Variants in PCDHAC2 observed in about 807,000 individuals in gnomAD.
PCDHAC2 encodes the protein protocadherin alpha subfamily C, 2, also known as protocadherin alpha-C2.
In PCDHAC2, 24 loss-of-function variants were observed where a neutral mutation model predicts 63.3. The ratio of observed to expected loss-of-function variants is 0.38; its 90% CI spans 0.27 to 0.53. The LOEUF is 0.53. Ranked by LOEUF, PCDHAC2 falls within the 20% of genes least tolerant of loss-of-function variation. PCDHAC2 has a pLI of 0.81. For missense variants in PCDHAC2, 1,181 were observed against 1,275.2 expected (o/e 0.93, Z 1.12); for synonymous variants, 569 against 529.4 (o/e 1.07, Z -1.03).
intron 3 of PCDHAC2, among the ~76,000 whole-genome samples, chr5:141,005,934 G>A (rs556608068): frequency 3.4e-4 from 52 of 151,912 alleles, no homozygotes; most frequent in Non-Finnish European, 7.2e-4. Context: ...TTGACAGAGT[G>A]AGAACCTATC....
At chr5:140,977,107 T>C (rs1419522797) in intron 1 of PCDHAC2, among the ~76,000 whole-genome samples, 2 of 152,166 alleles carry the variant, frequency 1.3e-5, no homozygotes, top group Non-Finnish European at 2.9e-5. Flanking sequence ...GGAAGTGAGA[T>C]TGTATAATGA....
intron 2 of PCDHAC2, among the ~76,000 whole-genome samples, chr5:140,980,822 T>A (rs1433488208): frequency 6.6e-6 from 1 of 152,204 alleles, no homozygotes; most frequent in Non-Finnish European, 1.5e-5. Flanking sequence ...ACATATTAAA[T>A]GAGTTGTGAA....
Position 140,968,008 on chromosome 5 carries a change from C to T in PCDHAC2, c.1242C>T (p.Gly414=). Residue 414 remains glycine, a synonymous_variant, in exon 1 of 4, where the codon GGC becomes GGT. Coordinates refer to ENST00000289269, the MANE Select transcript of PCDHAC2 (RefSeq NM_018899.6). ...CCACACTGCCTTTCCGACTGAATGG[C>T]TTTGGAAACTCCTATACACTGGTGG... ...LEATLPFRLN[G]FGNSYTLVVS... is the part of the protein sequence containing the mutation. 6.2e-7 allele frequency: 1 copy of T among 1,614,202 alleles called. No homozygotes were observed. Among genetic ancestry groups the T allele is most frequent in the Non-Finnish European group, 8.5e-7 (1 of 1,180,034 alleles).
intron 1 of PCDHAC2, among the ~76,000 whole-genome samples, chr5:140,972,665 T>A (rs1554234345): frequency 6.7e-6 from 1 of 148,584 alleles, no homozygotes; most frequent in Non-Finnish European, 1.5e-5. Flanking sequence ...ACCAAATTTT[T>A]TTTTTTTTTT....
intron 3 of PCDHAC2, among the ~76,000 whole-genome samples, chr5:141,008,308 TA>T (rs1554261716): frequency 6.6e-6 from 1 of 152,214 alleles, no homozygotes; most frequent in East Asian, 1.9e-4. Flanking sequence ...CCCTAAACTG[TA>T]ATTGAACATA....
chr5:140,985,401 C>T (rs2097150530), intron 3 of PCDHAC2, among the ~76,000 whole-genome samples: 1 of 152,108 alleles, frequency 6.6e-6, no homozygotes, highest in Non-Finnish European at 1.5e-5. Flanking sequence ...CCAACTGTTC[C>T]CCTGGAAATG....
At position 140,967,793 on chromosome 5, in the gene PCDHAC2, G is replaced by A. The variant is rs1447753881; in HGVS notation, c.1027G>A (p.Val343Met). ...TGTGCAGGCGACTGACCGGGGTCCA[G>A]TGCCCATGGCAGGTCACTGCAAGGT... is the stretch of plus-strand genomic sequence containing the variant. ...IYVQATDRGP[V>M]PMAGHCKVLV... The change falls in exon 1 of 4, where the codon GTG becomes ATG. Residue 343 changes from valine to methionine, a missense_variant. By Grantham distance (21) the Val-to-Met change is conservative. Coordinates refer to ENST00000289269, the MANE Select transcript of PCDHAC2 (RefSeq NM_018899.6). 1.5e-5 allele frequency: 24 copies of A among 1,614,080 alleles called. No individual in the cohort carries two copies. The highest frequency in any genetic ancestry group is 1.9e-5 in the Non-Finnish European group (23 of 1,180,046).
At chr5:141,004,054 G>A (rs2098150015) in intron 3 of PCDHAC2, among the ~76,000 whole-genome samples, 1 of 152,216 alleles carries the variant, frequency 6.6e-6, no homozygotes, top group Admixed American at 6.5e-5. Flanking sequence ...TGCTGATACT[G>A]GCCCCTGGTT....
chr5:140,980,441 A>G (rs1454168972), intron 2 of PCDHAC2, among the ~76,000 whole-genome samples: 7 of 152,124 alleles, frequency 4.6e-5, no homozygotes, highest in African/African-American at 1.7e-4. Context: ...ACCATCCTGG[A>G]CAACACGGTG....
chr5:140,990,956 G>T (rs1179435982), intron 3 of PCDHAC2, among the ~76,000 whole-genome samples: 1 of 152,136 alleles, frequency 6.6e-6, no homozygotes, highest in Non-Finnish European at 1.5e-5. Context: ...TGTAGAAATA[G>T]TCTCTTAGAA....
chr5:140,983,275 A>C (rs1279699182), intron 3 of PCDHAC2, among the ~76,000 whole-genome samples: 1 of 152,230 alleles, frequency 6.6e-6, no homozygotes, highest in Non-Finnish European at 1.5e-5. Flanking sequence ...TGGCTGGGTG[A>C]GTATAGGAAA....
At chr5:140,982,237 G>T (rs2096973071) in intron 2 of PCDHAC2, 1 of 665,404 alleles carries the variant, frequency 1.5e-6, no homozygotes, top group East Asian at 3.5e-5. Context: ...AAACAGAATT[G>T]CCATAAAGAT....
At chr5:140,995,342 A>G (rs2097678065) in intron 3 of PCDHAC2, among the ~76,000 whole-genome samples, 1 of 152,122 alleles carries the variant, frequency 6.6e-6, no homozygotes, top group African/African-American at 2.4e-5. Flanking sequence ...TGTAGACGGC[A>G]TGGATAGGTC....
intron 3 of PCDHAC2, 47 bp from the exon 4 acceptor site, chr5:141,009,580 G>T: frequency 1.3e-6 from 2 of 1,588,168 alleles, no homozygotes; most frequent in South Asian, 2.3e-5. Context: ...GTGGCATCAA[G>T]AGCATGTGTT....
Position 140,967,436 on chromosome 5 carries a change from C to A in PCDHAC2, c.670C>A (p.His224Asn), listed in dbSNP as rs781894469. The A allele has an allele frequency of 1.2e-6, 2 of 1,613,378 alleles. No individual in the cohort carries two copies. The highest frequency in any genetic ancestry group is 8.5e-7 in the Non-Finnish European group (1 of 1,179,844). Reference protein sequence around the residue: ...GLDREQAALHHLVLTAVDGGI... With the variant: ...GLDREQAALHNLVLTAVDGGI... ...AGACCGGGAGCAGGCAGCCTTGCAC[C>A]ACCTGGTTCTCACAGCCGTGGATGG... Residue 224 changes from histidine to asparagine, a missense_variant, in exon 1 of 4, where the codon CAC (histidine) becomes AAC (asparagine). His to Asn is a moderately conservative substitution (Grantham distance 68). This residue lies in a region of PCDHAC2 where 968 missense variants were observed against 1,073.5 expected (regional missense o/e 0.90). Coordinates refer to ENST00000289269, the MANE Select transcript of PCDHAC2 (RefSeq NM_018899.6).
intron 1 of PCDHAC2, among the ~76,000 whole-genome samples, chr5:140,978,316 A>AC (rs1370469532): frequency 5.4e-4 from 83 of 152,358 alleles, no homozygotes; most frequent in African/African-American, 1.9e-3. Context: ...AGGAGCAGGA[A>AC]CAAGTACAAG....
chr5:140,986,758 G>A (rs1242772553), intron 3 of PCDHAC2, among the ~76,000 whole-genome samples: 1 of 152,194 alleles, frequency 6.6e-6, no homozygotes, highest in Non-Finnish European at 1.5e-5. Context: ...ACTAAACAGT[G>A]AAAGATTAAT....
At chr5:140,987,432 T>G (rs1401623974) in intron 3 of PCDHAC2, among the ~76,000 whole-genome samples, 1 of 152,152 alleles carries the variant, frequency 6.6e-6, no homozygotes, top group Non-Finnish European at 1.5e-5. Flanking sequence ...GCAGGGGGCC[T>G]TTCCCCATGC....
chr5:140,989,727 A>G (rs1203211477), intron 3 of PCDHAC2, among the ~76,000 whole-genome samples: 2 of 152,308 alleles, frequency 1.3e-5, no homozygotes, highest in East Asian at 3.9e-4. Flanking sequence ...TTTGCAGTTG[A>G]AAAGGCCATT....
Sources: allele counts gnomAD v4.1 joint callset (sites outside exome capture counted in the v4.1 genomes callset), GRCh38; gene constraint gnomAD v4.1.1; regional missense constraint gnomAD v4.1.1; transcripts MANE v1.5; gene names NCBI Gene and HGNC (gene_info 2026-07-23, HGNC 2026-07-21).